POLN: variants seen among roughly 807,000 people sequenced by gnomAD.
POLN encodes DNA polymerase nu.
A neutral mutation model predicts 113.5 loss-of-function variants in POLN; 108 were observed. The observed-to-expected ratio is 0.95, with a 90% confidence interval of 0.81 to 1.12. The LOEUF (loss-of-function observed/expected upper bound fraction) is 1.12. Among genes scored for constraint, POLN ranks in the 50% most tolerant of loss-of-function variants. The pLI is 0.00. For synonymous variants in POLN, 386 were observed against 391.5 expected, an observed-to-expected ratio of 0.99 and a Z score of 0.17; for missense variants, 1,097 against 1,077.1, an observed-to-expected ratio of 1.02 and a Z score of -0.26.
Position 2,072,956 on chromosome 4 carries a change from G to C in POLN, c.2517+12C>G, listed in dbSNP as rs956168743. The C allele has an allele frequency of 6.2e-7, 1 of 1,612,672 alleles. No individual in the cohort carries two copies. Among genetic ancestry groups the C allele is most frequent in the Admixed American group, 1.7e-5 (1 of 59,994 alleles). On this transcript the variant is annotated intron_variant, in intron 25 of 25. Transcript: ENST00000511885. Reference sequence around the variant, plus strand: ...GCTCCGGAAGACCGGGCAGGCTTAAGTGTCCCCTCACCTGAAGCTGCAGCT... The same window carrying C: ...GCTCCGGAAGACCGGGCAGGCTTAACTGTCCCCTCACCTGAAGCTGCAGCT...
chr4:2,078,979 G>C, intron 23 of POLN: 2 of 949,256 alleles, frequency 2.1e-6, no homozygotes, highest in Non-Finnish European at 2.5e-6. Flanking sequence ...GCCCAGGCTG[G>C]AGTGCAGTGG....
intron 5 of POLN, among the ~76,000 whole-genome samples, chr4:2,199,691 C>T (rs1440932177): frequency 6.6e-6 from 1 of 152,174 alleles, no homozygotes; most frequent in African/African-American, 2.4e-5. Flanking sequence ...ATTCTCCTGA[C>T]TCAGCCTCCA....
At chr4:2,153,233 T>C (rs956951440) in intron 16 of POLN, among the ~76,000 whole-genome samples, 4 of 152,240 alleles carry the variant, frequency 2.6e-5, no homozygotes, top group Non-Finnish European at 5.9e-5. Flanking sequence ...TACATGTCTC[T>C]ATGTGTATAT....
At chr4:2,228,244 C>CAAAAAAAAAAAAAAAAAAAAAAAAAAA (rs199773336) in intron 3 of POLN, 1 of 56,382 alleles carries the variant, frequency 1.8e-5, no homozygotes, top group Non-Finnish European at 3.5e-5. Flanking sequence ...TTGCTAGTAG[C>CAAAAAAAAAAAAAAAAAAAAAAAAAAA]AAAAAAAAAA....
At chr4:2,122,475 C>T (rs1184841680) in intron 19 of POLN, among the ~76,000 whole-genome samples, 1 of 152,006 alleles carries the variant, frequency 6.6e-6, no homozygotes, top group Admixed American at 6.6e-5. Flanking sequence ...AATGATGAGC[C>T]CACAAAACCG....
chr4:2,161,642 G>A (rs930872999), intron 13 of POLN, among the ~76,000 whole-genome samples: 3 of 152,226 alleles, frequency 2.0e-5, no homozygotes, highest in Non-Finnish European at 2.9e-5. Flanking sequence ...CCCAAAGGCT[G>A]AGGAGTGCGG....
At chr4:2,100,096 AAAG>A (rs1213380465) in intron 19 of POLN, among the ~76,000 whole-genome samples, 1 of 151,722 alleles carries the variant, frequency 6.6e-6, no homozygotes, top group Admixed American at 6.6e-5. Flanking sequence ...GAAAAAGAAA[AAAG>A]AGAGAGAGAG....
At chr4:2,170,223 G>C (rs919265049) in intron 13 of POLN, among the ~76,000 whole-genome samples, 2 of 151,990 alleles carry the variant, frequency 1.3e-5, no homozygotes, top group African/African-American at 4.8e-5. Context: ...TCTGAATATC[G>C]ATCTATACTC....
At chr4:2,199,641 A>G (rs1241032311) in intron 5 of POLN, among the ~76,000 whole-genome samples, 1 of 152,088 alleles carries the variant, frequency 6.6e-6, no homozygotes, top group Non-Finnish European at 1.5e-5. Flanking sequence ...CAGTGGCGCA[A>G]TCTCAGCTCA....
chr4:2,229,171 C>A lies in POLN; in HGVS notation c.61G>T (p.Ala21Ser), dbSNP rs1296039956. 1.2e-6 allele frequency: 2 copies of A among 1,611,256 alleles called. No homozygotes were observed. The highest frequency in any genetic ancestry group is 1.7e-6 in the Non-Finnish European group (2 of 1,177,448). The stretch of plus-strand genomic sequence containing the variant: ...TGCATAGCAGACATAATCTTCTGAG[C>A]AACACTGGAGAGCGGTGTATTACAG... ...DLCNTPLSSV[A>S]QKIMSAMHSG... Residue 21 changes from alanine to serine, a missense_variant, in exon 3 of 26, where the codon GCT becomes TCT. Physicochemically the swap from Ala to Ser is moderately conservative, Grantham distance 99. Coordinates refer to ENST00000511885, the MANE Select transcript of POLN (RefSeq NM_181808.4).
intron 2 of POLN, chr4:2,238,806 A>G (rs1310017684): frequency 2.5e-6 from 4 of 1,613,364 alleles, no homozygotes; most frequent in Middle Eastern, 1.7e-4. Context: ...AGTTCAAATG[A>G]TGCCTTTTGT....
intron 2 of POLN, among the ~76,000 whole-genome samples, chr4:2,235,131 G>A (rs1002302563): frequency 1.3e-5 from 2 of 152,194 alleles, no homozygotes; most frequent in East Asian, 1.9e-4. Flanking sequence ...TGATCCACCC[G>A]CCTCAGCCTC....
At chr4:2,195,824 C>A (rs1364707009) in intron 6 of POLN, among the ~76,000 whole-genome samples, 2 of 152,090 alleles carry the variant, frequency 1.3e-5, no homozygotes, top group Admixed American at 6.6e-5. Flanking sequence ...GAGGAAAGTT[C>A]TTTACAGGAA....
chr4:2,213,102 C>A lies in POLN; in HGVS notation c.158G>T (p.Ser53Ile). 6.2e-7 allele frequency: 1 copy of A among 1,607,718 alleles called. No homozygotes were observed. Residue 53 changes from serine (S) to isoleucine (I), a missense_variant, in exon 4 of 26, where the codon AGT becomes ATT. By Grantham distance (142) the Ser-to-Ile change is moderately radical (BLOSUM62 -2). Transcript: ENST00000511885. ...TTCAAGTTGTACTGAATACTTAACA[C>A]TGGACTTGTTTATCACTTCCATAGC... ...TETMEVINKS[S>I]VKYSVQLEDR... is the part of the protein sequence containing the mutation.
chr4:2,123,244 T>G, intron 19 of POLN, among the ~76,000 whole-genome samples: 1 of 151,978 alleles, frequency 6.6e-6, no homozygotes, highest in Non-Finnish European at 1.5e-5. Context: ...ATCTCAGCAC[T>G]TTGGGAGGCT....
intron 19 of POLN, among the ~76,000 whole-genome samples, chr4:2,107,614 C>G (rs184319357): frequency 6.6e-6 from 1 of 152,108 alleles, no homozygotes; most frequent in Non-Finnish European, 1.5e-5. Context: ...AAGGCCTGAT[C>G]TGAGGTTGTG....
At chr4:2,208,606 C>G in intron 4 of POLN, 119 bp from the exon 5 acceptor site, 2 of 801,160 alleles carry the variant, frequency 2.5e-6, no homozygotes, top group Non-Finnish European at 3.7e-6. Flanking sequence ...CTTCATATTA[C>G]CTATGATCAA....
At chr4:2,122,033 T>C (rs973122654) in intron 19 of POLN, among the ~76,000 whole-genome samples, 2 of 152,190 alleles carry the variant, frequency 1.3e-5, no homozygotes, top group Non-Finnish European at 2.9e-5. Flanking sequence ...TTTGCTGTAA[T>C]ACTTGGTTAG....
At chr4:2,240,259 C>A in intron 2 of POLN, 1 of 1,613,766 alleles carries the variant, frequency 6.2e-7, no homozygotes, top group Non-Finnish European at 8.5e-7. Context: ...GAACTTTCAA[C>A]TACTTCATGT....
Sources: gnomAD v4.1 joint callset for allele counts (sites outside exome capture counted in the v4.1 genomes callset) on GRCh38, gnomAD v4.1.1 for gene constraint, MANE v1.5 for transcripts, NCBI Gene and HGNC (gene_info 2026-07-23, HGNC 2026-07-21) for gene names.